WWOX: variants seen among roughly 807,000 people sequenced by gnomAD.
WWOX encodes the protein WW domain containing oxidoreductase.
WWOX carries 69 observed loss-of-function variants against 46.2 expected under a neutral mutation model. The observed-to-expected ratio is 1.49, with a 90% CI of 1.23 to 1.82. WWOX has a LOEUF of 1.82. WWOX is among the 40% of genes most tolerant of loss of function. The probability of loss-of-function intolerance (pLI) is 0.00; values close to 1 mark genes in which losing one functional copy is unlikely to be tolerated. For synonymous variants in WWOX, 359 were observed against 202.6 expected, an observed-to-expected ratio of 1.77 and a Z score of -6.56; for missense variants, 919 against 542.6, an observed-to-expected ratio of 1.69 and a Z score of -6.89.
chr16:78,165,310 C>T (rs2034935127), intron 5 of WWOX, among the ~76,000 whole-genome samples: 1 of 152,172 alleles, frequency 6.6e-6, no homozygotes, highest in South Asian at 2.1e-4. Context: ...GTGCTGGGGT[C>T]TACTGTTAAG....
chr16:78,204,595 G>A (rs559258488), intron 5 of WWOX, among the ~76,000 whole-genome samples: 2 of 152,066 alleles, frequency 1.3e-5, no homozygotes, highest in African/African-American at 4.8e-5. Context: ...CCATTTTTGT[G>A]CTCTCCATTT....
intron 8 of WWOX, among the ~76,000 whole-genome samples, chr16:79,031,436 GGGCTGA>G (rs555016486): frequency 0.37 from 55,780 of 151,346 alleles, 11,182 homozygotes; most frequent in East Asian, 0.64. Context: ...ATCTTCAAGT[GGGCTGA>G]AGAAAGGGAC....
intron 5 of WWOX, among the ~76,000 whole-genome samples, chr16:78,353,717 A>C (rs1432793628): frequency 6.6e-6 from 1 of 152,232 alleles, no homozygotes; most frequent in Non-Finnish European, 1.5e-5. Context: ...CTTGGAGAAG[A>C]ACTTAAGAAC....
intron 8 of WWOX, among the ~76,000 whole-genome samples, chr16:78,742,818 G>C (rs1049198940): frequency 6.6e-6 from 1 of 152,190 alleles, no homozygotes; most frequent in Non-Finnish European, 1.5e-5. Flanking sequence ...GAATTCACTT[G>C]AAATTGTCCA....
chr16:79,068,123 G>A (rs1001148837), intron 8 of WWOX, among the ~76,000 whole-genome samples: 1 of 152,212 alleles, frequency 6.6e-6, no homozygotes, highest in Non-Finnish European at 1.5e-5. Flanking sequence ...ACCCATTGTG[G>A]ACACACCATT....
chr16:78,212,275 T>C (rs2036583415), intron 5 of WWOX, among the ~76,000 whole-genome samples: 1 of 152,220 alleles, frequency 6.6e-6, no homozygotes, highest in African/African-American at 2.4e-5. Flanking sequence ...GGGCAGAGGC[T>C]GATCAATCTA....
At chr16:78,380,773 A>G (rs1387694674) in intron 5 of WWOX, among the ~76,000 whole-genome samples, 3 of 152,186 alleles carry the variant, frequency 2.0e-5, no homozygotes, top group African/African-American at 7.2e-5. Context: ...TAAATATACA[A>G]GAAGCAGTAA....
intron 8 of WWOX, among the ~76,000 whole-genome samples, chr16:78,887,268 C>T (rs947383406): frequency 6.6e-6 from 1 of 151,848 alleles, no homozygotes. Flanking sequence ...TTCATTATAC[C>T]AGCAATTCCC....
intron 8 of WWOX, among the ~76,000 whole-genome samples, chr16:78,651,528 T>G (rs1219289538): frequency 1.3e-5 from 2 of 152,220 alleles, no homozygotes; most frequent in Admixed American, 6.5e-5. Flanking sequence ...GAGTCTATCC[T>G]TGATGCTCAC....
chr16:78,876,958 T>A (rs568499565), intron 8 of WWOX, among the ~76,000 whole-genome samples: 2 of 152,164 alleles, frequency 1.3e-5, no homozygotes, highest in Non-Finnish European at 2.9e-5. Context: ...AAAATGTGTT[T>A]CCTCTGTATA....
At chr16:78,970,075 A>G (rs564214288) in intron 8 of WWOX, among the ~76,000 whole-genome samples, 3 of 152,272 alleles carry the variant, frequency 2.0e-5, no homozygotes, top group African/African-American at 7.2e-5. Flanking sequence ...TAACGCTCAA[A>G]TTTCCCAAGT....
intron 8 of WWOX, among the ~76,000 whole-genome samples, chr16:78,608,298 C>G (rs970020034): frequency 2.6e-5 from 4 of 152,198 alleles, no homozygotes; most frequent in African/African-American, 9.6e-5. Flanking sequence ...GCCAGTTTCT[C>G]TACTGCAGAA....
intron 8 of WWOX, among the ~76,000 whole-genome samples, chr16:78,707,298 C>G (rs999498997): frequency 6.6e-6 from 1 of 152,208 alleles, no homozygotes; most frequent in Non-Finnish European, 1.5e-5. Flanking sequence ...ATGCAAAAAT[C>G]TCTACATTTC....
intron 8 of WWOX, among the ~76,000 whole-genome samples, chr16:79,059,863 C>G (rs935101733): frequency 2.6e-5 from 4 of 152,162 alleles, no homozygotes; most frequent in Admixed American, 6.5e-5. Context: ...TTCGCACACA[C>G]AAAAATAGCT....
chr16:78,178,727 C>A (rs1279885168), intron 5 of WWOX, among the ~76,000 whole-genome samples: 1 of 151,982 alleles, frequency 6.6e-6, no homozygotes, highest in East Asian at 1.9e-4. Context: ...AGCCAGTTGT[C>A]TTGGCGCATG....
At chr16:78,274,141 C>T (rs75178669) in intron 5 of WWOX, among the ~76,000 whole-genome samples, 1 of 152,122 alleles carries the variant, frequency 6.6e-6, no homozygotes, top group Non-Finnish European at 1.5e-5. Flanking sequence ...ATCCTGGTCT[C>T]CCCAAACACT....
Position 78,575,055 on chromosome 16 carries a change from ATATATATATATAT to A in WWOX, c.1056+142304_1056+142316del. Among the ~76,000 whole-genome samples, 4 of 15,136 alleles carry A rather than the reference ATATATATATATAT, an allele frequency of 2.6e-4. 1 individual carries two copies. In the South Asian group the frequency reaches 0.014, roughly 53 times the overall value. 9.9% of individuals were successfully genotyped at this position (15,136 alleles called of 152,430 possible). A position where few individuals can be genotyped will look rare whatever the true frequency, so the allele number is the denominator to read the frequency against. ...TATATATATATATATATATATATATATATATATATATATATATATATATATATATATATATATA... is the reference window on the plus strand; with the variant it reads ...TATATATATATATATATATATATATAATATATATATATATATATATATATA... On this transcript the variant is annotated intron_variant, in intron 8 of 8. Coordinates refer to ENST00000566780, the MANE Select transcript of WWOX (RefSeq NM_016373.4).
chr16:79,081,757 C>G (rs997268944), intron 8 of WWOX, among the ~76,000 whole-genome samples: 6 of 152,248 alleles, frequency 3.9e-5, no homozygotes, highest in African/African-American at 1.4e-4. Context: ...TGCGGGGGCT[C>G]CTGTCTCACG....
chr16:79,144,855 TA>T (rs1384740666), intron 8 of WWOX, among the ~76,000 whole-genome samples: 2 of 152,236 alleles, frequency 1.3e-5, no homozygotes, highest in Non-Finnish European at 2.9e-5. Flanking sequence ...TTTATTGTTA[TA>T]ATTGTTCTAT....
Sources: gnomAD v4.1 joint callset for allele counts (sites outside exome capture counted in the v4.1 genomes callset) on GRCh38, gnomAD v4.1.1 for gene constraint, MANE v1.5 for transcripts, NCBI Gene and HGNC (gene_info 2026-07-23, HGNC 2026-07-21) for gene names.